Variants in AFG1L observed in about 807,000 individuals in gnomAD.
AFG1L encodes the protein AFG1 like ATPase.
In AFG1L, 53 loss-of-function variants were observed where a neutral mutation model predicts 62.2. That is an observed-to-expected ratio of 0.85 (90% CI 0.68 to 1.07). The LOEUF is 1.07. AFG1L is among the 50% of genes least tolerant of loss of function. The probability of loss-of-function intolerance (pLI) is 0.00; values close to 1 mark genes in which losing one functional copy is unlikely to be tolerated. For synonymous variants in AFG1L, 228 were observed against 210.3 expected (o/e 1.08, Z -0.73); for missense variants, 555 against 590.5 (o/e 0.94, Z 0.62).
At chr6:108,476,198 T>G (rs1036291939) in intron 8 of AFG1L, among the ~76,000 whole-genome samples, 2 of 152,170 alleles carry the variant, frequency 1.3e-5, no homozygotes, top group Admixed American at 1.3e-4. Context: ...GATTTCTAAT[T>G]AGAATACAAA....
At chr6:108,463,766 G>T (rs1041919013) in intron 8 of AFG1L, among the ~76,000 whole-genome samples, 1 of 152,140 alleles carries the variant, frequency 6.6e-6, no homozygotes, top group Non-Finnish European at 1.5e-5. Flanking sequence ...TGATTGAGAA[G>T]ATAAATACTC....
At chr6:108,425,916 A>G (rs1241810476) in intron 7 of AFG1L, among the ~76,000 whole-genome samples, 4 of 152,310 alleles carry the variant, frequency 2.6e-5, no homozygotes, top group Admixed American at 6.5e-5. Context: ...AGCGATAACA[A>G]TTGACTATTG....
intron 3 of AFG1L, among the ~76,000 whole-genome samples, chr6:108,347,536 C>A (rs1778909144): frequency 6.6e-6 from 1 of 152,118 alleles, no homozygotes; most frequent in Non-Finnish European, 1.5e-5. Context: ...CTTGGTCTCC[C>A]AGTTCTAGAC....
At chr6:108,352,874 A>T (rs537705286) in intron 3 of AFG1L, among the ~76,000 whole-genome samples, 22 of 152,100 alleles carry the variant, frequency 1.4e-4, no homozygotes, top group African/African-American at 4.8e-4. Context: ...TCCTTATATT[A>T]TTTTTTATTT....
chr6:108,295,874 TC>T (rs1776750624), intron 1 of AFG1L: 1 of 152,214 alleles, frequency 6.6e-6, no homozygotes, highest in Admixed American at 6.5e-5. Flanking sequence ...TGCACGATTT[TC>T]AAAGGCAAGG....
At chr6:108,520,072 G>T in intron 12 of AFG1L, 1 of 267,512 alleles carries the variant, frequency 3.7e-6, no homozygotes, top group Non-Finnish European at 7.2e-6. Context: ...CACGGAGGTG[G>T]ACTAAGGTGC....
At chr6:108,401,133 A>ATTT (rs1198525387) in intron 6 of AFG1L, among the ~76,000 whole-genome samples, 9 of 119,636 alleles carry the variant, frequency 7.5e-5, no homozygotes, top group Non-Finnish European at 1.0e-4. Flanking sequence ...TGCCTGGCTA[A>ATTT]TTTTTTTTTT....
intron 2 of AFG1L, among the ~76,000 whole-genome samples, chr6:108,329,973 T>G (rs1157193425): frequency 6.6e-6 from 1 of 152,018 alleles, no homozygotes; most frequent in East Asian, 1.9e-4. Flanking sequence ...GGTTAATGGA[T>G]TAATGGATTA....
intron 11 of AFG1L, among the ~76,000 whole-genome samples, chr6:108,516,186 G>A (rs1774881759): frequency 6.6e-6 from 1 of 152,184 alleles, no homozygotes; most frequent in Non-Finnish European, 1.5e-5. Context: ...AAGACTGGCA[G>A]AGACACAACA....
intron 5 of AFG1L, 108 bp downstream of exon 5, chr6:108,356,928 T>C (rs1334245963): frequency 3.2e-6 from 3 of 930,962 alleles, no homozygotes; most frequent in Admixed American, 2.7e-5. Context: ...TTTGACACAT[T>C]ATCTCTTACT....
chr6:108,308,198 G>A (rs929291217), intron 1 of AFG1L, among the ~76,000 whole-genome samples: 2 of 152,152 alleles, frequency 1.3e-5, no homozygotes, highest in African/African-American at 2.4e-5. Flanking sequence ...CATCAAGGCT[G>A]GAGTGCAGTG....
chr6:108,512,426 G>A (rs1040308271), intron 11 of AFG1L, among the ~76,000 whole-genome samples: 1 of 152,154 alleles, frequency 6.6e-6, no homozygotes, highest in Non-Finnish European at 1.5e-5. Flanking sequence ...ACAGAGCTGG[G>A]GGATGGAGGC....
At chr6:108,521,026 T>G (rs943338711) in intron 12 of AFG1L, 2 of 152,228 alleles carry the variant, frequency 1.3e-5, no homozygotes, top group African/African-American at 4.8e-5. Context: ...TGGGTTAGGA[T>G]TTCAGCATAT....
chr6:108,521,249 C>T (rs1434684449), intron 12 of AFG1L: 1 of 152,014 alleles, frequency 6.6e-6, no homozygotes, highest in African/African-American at 2.4e-5. Context: ...TTTGGGAGGC[C>T]GAGGTGGGCA....
At chr6:108,495,101 AT>A (rs1773924912) in intron 10 of AFG1L, among the ~76,000 whole-genome samples, 1 of 152,098 alleles carries the variant, frequency 6.6e-6, no homozygotes, top group South Asian at 2.1e-4. Context: ...TATATTTATT[AT>A]TTTGGAATCT....
intron 7 of AFG1L, among the ~76,000 whole-genome samples, chr6:108,428,964 C>G (rs1286088104): frequency 6.6e-6 from 1 of 151,908 alleles, no homozygotes; most frequent in Non-Finnish European, 1.5e-5. Flanking sequence ...TTTTGCTGTA[C>G]TTGCTTTTGG....
intron 10 of AFG1L, among the ~76,000 whole-genome samples, chr6:108,498,722 C>T (rs1284127291): frequency 6.6e-6 from 1 of 152,122 alleles, no homozygotes; most frequent in Non-Finnish European, 1.5e-5. Context: ...TGCCTGTAGT[C>T]CCAGCACTTT....
At chr6:108,475,634 T>C (rs1347229867) in intron 8 of AFG1L, among the ~76,000 whole-genome samples, 3 of 152,214 alleles carry the variant, frequency 2.0e-5, no homozygotes, top group African/African-American at 7.2e-5. Context: ...GGAAGTCAAA[T>C]AGCATTTCTC....
intron 6 of AFG1L, chr6:108,387,999 C>G (rs1318458692): frequency 6.6e-6 from 1 of 152,042 alleles, no homozygotes; most frequent in Non-Finnish European, 1.5e-5. Context: ...ATAATTCCAT[C>G]CACTTACACT....
Sources: allele counts gnomAD v4.1 joint callset (sites outside exome capture counted in the v4.1 genomes callset), GRCh38; gene constraint gnomAD v4.1.1; transcripts MANE v1.5; gene names NCBI Gene and HGNC (gene_info 2026-07-23, HGNC 2026-07-21).